Variants in NXPE4 observed in about 807,000 individuals in gnomAD.
NXPE4 encodes NXPE family member 4.
In NXPE4, 42 loss-of-function variants were observed where a neutral mutation model predicts 33.3. The ratio of observed to expected loss-of-function variants is 1.26; its 90% CI spans 0.98 to 1.63. The LOEUF (loss-of-function observed/expected upper bound fraction) is 1.63. Ranked by LOEUF, NXPE4 falls within the 40% of genes most tolerant of loss-of-function variation. NXPE4 has a pLI of 0.00. For synonymous variants in NXPE4, 253 were observed against 234.9 expected (o/e 1.08, Z -0.71); for missense variants, 709 against 647.6 (o/e 1.09, Z -1.03).
chr11:114,620,047 T>A, the NXPE4 span, among the ~76,000 whole-genome samples: 10 of 152,088 alleles, frequency 6.6e-5, no homozygotes, highest in Non-Finnish European at 1.3e-4. Flanking sequence ...TACTGCCTCG[T>A]GGGTAACCAC....
At chr11:114,651,979 T>C in the NXPE4 span, among the ~76,000 whole-genome samples, 1 of 152,238 alleles carries the variant, frequency 6.6e-6, no homozygotes, top group East Asian at 1.9e-4. Context: ...GCACTCCAGC[T>C]TGCTGCATCC....
chr11:114,601,784 A>ATTATATATAATTATAAT, the NXPE4 span, among the ~76,000 whole-genome samples: 1 of 72,224 alleles, frequency 1.4e-5, no homozygotes, highest in African/African-American at 5.8e-5. Context: ...ATAATTATAT[A>ATTATATATAATTATAAT]ACATGTGATA....
chr11:114,583,254 T>C (rs574139599), intron 2 of NXPE4: 22 of 668,676 alleles, frequency 3.3e-5, no homozygotes, highest in South Asian at 2.4e-4. Flanking sequence ...GTGAGCAAGA[T>C]GGCGCAAAGG....
the NXPE4 span, among the ~76,000 whole-genome samples, chr11:114,610,848 A>T: frequency 2.0e-5 from 3 of 150,702 alleles, no homozygotes; most frequent in East Asian, 4.0e-4. Context: ...TATTGCCTCT[A>T]GGGTAACCAC....
chr11:114,627,088 A>G, the NXPE4 span, among the ~76,000 whole-genome samples: 1 of 152,084 alleles, frequency 6.6e-6, no homozygotes, highest in Non-Finnish European at 1.5e-5. Context: ...AAGTTGGAAA[A>G]CACTCTGCAG....
At chr11:114,610,503 G>T in the NXPE4 span, among the ~76,000 whole-genome samples, 50 of 151,100 alleles carry the variant, frequency 3.3e-4, no homozygotes, top group African/African-American at 7.0e-4. Flanking sequence ...GATAATAAGT[G>T]TTGCCTCATG....
the NXPE4 span, among the ~76,000 whole-genome samples, chr11:114,644,025 A>G: frequency 6.6e-6 from 1 of 151,940 alleles, no homozygotes; most frequent in Admixed American, 6.6e-5. Context: ...CTTTGCAGCA[A>G]TTGTGAATGG....
At chr11:114,632,100 TGTA>T in the NXPE4 span, among the ~76,000 whole-genome samples, 1 of 144,976 alleles carries the variant, frequency 6.9e-6, no homozygotes, top group African/African-American at 2.5e-5. Flanking sequence ...GTAAATATAA[TGTA>T]ATATATAAAT....
At chr11:114,585,188 C>A (rs2366363) in intron 2 of NXPE4, among the ~76,000 whole-genome samples, 27,426 of 151,598 alleles carry the variant, frequency 0.18, 2,832 homozygotes, top group Non-Finnish European at 0.22. Context: ...TGTCTTCCCC[C>A]AGTTCTGCAG....
the NXPE4 span, among the ~76,000 whole-genome samples, chr11:114,637,611 CT>C: frequency 6.6e-6 from 1 of 150,610 alleles, no homozygotes; most frequent in African/African-American, 2.4e-5. Context: ...CCGGTTGTTC[CT>C]TTCCATGTTC....
At chr11:114,645,145 T>C in the NXPE4 span, among the ~76,000 whole-genome samples, 2 of 151,656 alleles carry the variant, frequency 1.3e-5, no homozygotes, top group African/African-American at 4.8e-5. Context: ...TTACTAAAAA[T>C]ACAAAAATTA....
At chr11:114,675,474 T>G in the NXPE4 span, among the ~76,000 whole-genome samples, 1 of 151,740 alleles carries the variant, frequency 6.6e-6, no homozygotes, top group Admixed American at 6.6e-5. Flanking sequence ...GATACAAAAT[T>G]CACTGCAGAA....
At chr11:114,639,080 C>T in the NXPE4 span, among the ~76,000 whole-genome samples, 2,075 of 152,186 alleles carry the variant, frequency 0.014, 40 homozygotes, top group African/African-American at 0.047. Context: ...GTGGAGCCTA[C>T]AGAGGCAGGC....
At chr11:114,657,705 A>G in the NXPE4 span, among the ~76,000 whole-genome samples, 1 of 152,172 alleles carries the variant, frequency 6.6e-6, no homozygotes, top group African/African-American at 2.4e-5. Flanking sequence ...GTTTTGAGAA[A>G]TAGTCCATAG....
chr11:114,571,937 CAACG>C (rs1388027954), intron 5 of NXPE4, among the ~76,000 whole-genome samples: 2 of 152,192 alleles, frequency 1.3e-5, no homozygotes, highest in African/African-American at 4.8e-5. Flanking sequence ...GGCTGGAGGC[CAACG>C]AACACAAAAC....
chr11:114,624,162 A>G, the NXPE4 span, among the ~76,000 whole-genome samples: 2 of 151,366 alleles, frequency 1.3e-5, no homozygotes, highest in Admixed American at 1.3e-4. Context: ...TGTGTAACCA[A>G]TGTTATATGG....
chr11:114,624,686 T>C, the NXPE4 span, among the ~76,000 whole-genome samples: 1 of 152,080 alleles, frequency 6.6e-6, no homozygotes, highest in Non-Finnish European at 1.5e-5. Context: ...GGAAAATAAG[T>C]ATTGCCTCTA....
chr11:114,634,956 T>G, the NXPE4 span, among the ~76,000 whole-genome samples: 1 of 152,056 alleles, frequency 6.6e-6, no homozygotes, highest in Non-Finnish European at 1.5e-5. Context: ...GGCCCTTTTT[T>G]GGTTCCATAT....
chr11:114,606,489 T>A, the NXPE4 span, among the ~76,000 whole-genome samples: 9 of 151,330 alleles, frequency 5.9e-5, no homozygotes, highest in African/African-American at 2.2e-4. Flanking sequence ...TGTTCCTTGG[T>A]GGATAATAAG....
Sources: allele counts gnomAD v4.1 joint callset (sites outside exome capture counted in the v4.1 genomes callset), GRCh38; gene constraint gnomAD v4.1.1; transcripts MANE v1.5; gene names NCBI Gene and HGNC (gene_info 2026-07-23, HGNC 2026-07-21).